Variants in AFDN observed in about 807,000 individuals in gnomAD.
The protein encoded by AFDN is afadin, adherens junction formation factor.
In AFDN, 68 loss-of-function variants were observed where a neutral mutation model predicts 216.6. The ratio of observed to expected loss-of-function variants is 0.31; its 90% CI spans 0.26 to 0.38. The LOEUF (loss-of-function observed/expected upper bound fraction) is 0.38, where lower values mean the gene tolerates loss of function less well. Ranked by LOEUF, AFDN falls within the 10% of genes least tolerant of loss-of-function variation. AFDN has a pLI of 1.00. For missense variants in AFDN, 2,136 were observed against 2,342.0 expected, an observed-to-expected ratio of 0.91 and a Z score of 1.82; for synonymous variants, 868 against 853.7, an observed-to-expected ratio of 1.02 and a Z score of -0.29.
chr6:167,904,411 T>C (rs1583346987), intron 12 of AFDN, among the ~76,000 whole-genome samples: 2 of 152,118 alleles, frequency 1.3e-5, no homozygotes, highest in South Asian at 2.1e-4. Flanking sequence ...TGTTTCGCCA[T>C]GTTGCCCAGG....
chr6:167,949,526 G>C (rs1265845121), intron 29 of AFDN, among the ~76,000 whole-genome samples: 1 of 152,294 alleles, frequency 6.6e-6, no homozygotes, highest in Non-Finnish European at 1.5e-5. Context: ...TGGTGTGCTG[G>C]TCCATCCTGC....
chr6:167,951,147 T>C lies in AFDN; in HGVS notation c.3832-39T>C. On this transcript the variant is annotated intron_variant, in intron 29 of 33. Coordinates refer to ENST00000683244, the MANE Select transcript of AFDN (RefSeq NM_001386888.1). The surrounding 1 kb of genome is among the most constrained non-coding windows in gnomAD (Gnocchi z 7.1). ...TTTGTGGATATTTGGTAATTTCTAG[T>C]AAATGGCTGAAATATAATAATTCTT... 1 of 1,511,698 alleles carries C rather than the reference T, an allele frequency of 6.6e-7. No individual in the cohort carries two copies. Among genetic ancestry groups the C allele is most frequent in the Middle Eastern group, 1.8e-4 (1 of 5,526 alleles). The allele number at this position is 1,511,698 out of a possible 1,614,324, so 93.6% of individuals were successfully genotyped here. A position where few individuals can be genotyped will look rare whatever the true frequency, so the allele number is the denominator to read the frequency against.
At chr6:167,954,909 A>G (rs950946524) in intron 30 of AFDN, among the ~76,000 whole-genome samples, 9 of 152,228 alleles carry the variant, frequency 5.9e-5, no homozygotes, top group Non-Finnish European at 1.3e-4. Context: ...CAGTTAAGAT[A>G]TAACTGTCTG....
chr6:167,843,156 A>G (rs777952904), intron 1 of AFDN, among the ~76,000 whole-genome samples: 3 of 152,184 alleles, frequency 2.0e-5, no homozygotes, highest in Non-Finnish European at 2.9e-5. Context: ...CCTATGTGCA[A>G]ATATTACCTC....
chr6:167,876,620 A>G (rs1000862201), intron 5 of AFDN, among the ~76,000 whole-genome samples: 8 of 152,240 alleles, frequency 5.3e-5, no homozygotes, highest in African/African-American at 1.9e-4. Flanking sequence ...AATGTATTCT[A>G]TGGTTCCCTT....
At chr6:167,856,968 A>G (rs1294799442) in intron 1 of AFDN, among the ~76,000 whole-genome samples, 1 of 152,134 alleles carries the variant, frequency 6.6e-6, no homozygotes. Context: ...ATCTTAATGG[A>G]TAATTTTTGA....
At chr6:167,921,203 CAT>C (rs1185611484) in intron 21 of AFDN, among the ~76,000 whole-genome samples, 1 of 152,252 alleles carries the variant, frequency 6.6e-6, no homozygotes, top group Non-Finnish European at 1.5e-5. Flanking sequence ...AGTTTTGTCA[CAT>C]GTGCCATAGG....
At chr6:167,850,591 A>G (rs1373935083) in intron 1 of AFDN, among the ~76,000 whole-genome samples, 3 of 152,226 alleles carry the variant, frequency 2.0e-5, no homozygotes, top group Non-Finnish European at 2.9e-5. Flanking sequence ...ATGTTCATGT[A>G]TATAATTTGT....
At chr6:167,831,281 T>C (rs1356006489) in intron 1 of AFDN, among the ~76,000 whole-genome samples, 1 of 152,252 alleles carries the variant, frequency 6.6e-6, no homozygotes, top group Non-Finnish European at 1.5e-5. Flanking sequence ...GAAGATCTGT[T>C]TCTGGTGACT....
In AFDN at chr6:167,914,698, AGAT is replaced by A; in HGVS notation, c.2262_2264del (p.Asp755del). The A allele has an allele frequency of 1.2e-6, 2 of 1,613,734 alleles. No homozygotes were observed. Among genetic ancestry groups the A allele is most frequent in the Non-Finnish European group, 1.7e-6 (2 of 1,179,678 alleles). On this transcript the variant is annotated inframe_deletion, in exon 18 of 34. Transcript: ENST00000683244. The stretch of plus-strand genomic sequence containing the variant: ...TTAATAATTACATGCCAGCCTTTCT[AGAT>A]GACCCTGAAGAGAACAGTCTGCAAC...
chr6:167,841,534 A>G (rs926187636), intron 1 of AFDN, among the ~76,000 whole-genome samples: 1 of 152,162 alleles, frequency 6.6e-6, no homozygotes, highest in Non-Finnish European at 1.5e-5. Context: ...CAGGAGAGGA[A>G]AGTTTAGAAA....
chr6:167,923,653 C>A lies in AFDN; in HGVS notation c.3012+694C>A, dbSNP rs143801642. On this transcript the variant is annotated intron_variant, in intron 22 of 33. Coordinates refer to ENST00000683244, the MANE Select transcript of AFDN (RefSeq NM_001386888.1). ...TTTTTTTTTTTTTTTGAGACAGAGT[C>A]TCGCTCAGTCGCCCAGGCTGAAATG... 7.8e-3 allele frequency among the ~76,000 whole-genome samples: 987 copies of A among 126,970 alleles called. 15 individuals are homozygous for A. The highest frequency in any genetic ancestry group is 0.028 in the African/African-American group (938 of 33,678). The allele number at this position is 126,970 out of a possible 152,430, so 83.3% of individuals were successfully genotyped here.
At chr6:167,924,825 A>G (rs1212584415) in intron 22 of AFDN, 180 bp from the exon 23 acceptor site, 3 of 643,242 alleles carry the variant, frequency 4.7e-6, no homozygotes, top group South Asian at 1.6e-5. Flanking sequence ...GATTTAGTTT[A>G]CCAGATTAAT....
intron 29 of AFDN, among the ~76,000 whole-genome samples, chr6:167,950,392 C>CTGTGTGTGTGTGTG (rs201112836): frequency 6.5e-5 from 9 of 139,370 alleles, no homozygotes; most frequent in African/African-American, 1.8e-4. Flanking sequence ...TCATTTTTCT[C>CTGTGTGTGTGTGTG]TGTGTCTGTG....
chr6:167,943,061 CT>C (rs1288165534), intron 23 of AFDN, 67 bp from the exon 24 acceptor site: 5 of 1,329,710 alleles, frequency 3.8e-6, no homozygotes, highest in Non-Finnish European at 5.2e-6. Flanking sequence ...TTTTGTTTTA[CT>C]TTCCTGCATA....
chr6:167,873,242 A>T (rs1784978092), intron 4 of AFDN, among the ~76,000 whole-genome samples: 1 of 152,232 alleles, frequency 6.6e-6, no homozygotes, highest in Non-Finnish European at 1.5e-5. Context: ...GAGAATCATA[A>T]TCTAGTTTGT....
At chr6:167,889,395 C>T in intron 7 of AFDN, 69 bp downstream of exon 7, 1 of 1,065,294 alleles carries the variant, frequency 9.4e-7, no homozygotes, top group South Asian at 1.3e-5. Flanking sequence ...CACCTTATCA[C>T]ATGATGTAGG....
At chr6:167,949,492 G>A (rs1330384397) in intron 29 of AFDN, among the ~76,000 whole-genome samples, 2 of 152,174 alleles carry the variant, frequency 1.3e-5, no homozygotes, top group East Asian at 3.8e-4. Context: ...TGGCTATCAG[G>A]AGATTTCATC....
At chr6:167,917,068 G>A in intron 19 of AFDN, 21 bp from the exon 20 acceptor site, 1 of 1,603,462 alleles carries the variant, frequency 6.2e-7, no homozygotes, top group Non-Finnish European at 8.5e-7. Context: ...GATATTTTAT[G>A]TCCTTTATTC....
Sources: allele counts gnomAD v4.1 joint callset (sites outside exome capture counted in the v4.1 genomes callset), GRCh38; gene constraint gnomAD v4.1.1; non-coding constraint Gnocchi (gnomAD v3.1); transcripts MANE v1.5; gene names NCBI Gene and HGNC (gene_info 2026-07-23, HGNC 2026-07-21).